HAP1: variants seen among roughly 807,000 people sequenced by gnomAD.
The protein encoded by HAP1 is huntingtin-associated protein 1.
In HAP1, 59 loss-of-function variants were observed where a neutral mutation model predicts 60.3. That is an observed-to-expected ratio of 0.98 (90% CI 0.79 to 1.22). The LOEUF (loss-of-function observed/expected upper bound fraction) is 1.22. Ranked by LOEUF, HAP1 falls within the 50% of genes most tolerant of loss-of-function variation. The pLI is 0.00. For synonymous variants in HAP1, 346 were observed against 330.6 expected, an observed-to-expected ratio of 1.05 and a Z score of -0.50; for missense variants, 825 against 785.3, an observed-to-expected ratio of 1.05 and a Z score of -0.60.
chr17:41,728,058 G>A (rs1177826970), intron 7 of HAP1, 143 bp downstream of exon 7: 14 of 984,968 alleles, frequency 1.4e-5, no homozygotes, highest in South Asian at 9.9e-5. Flanking sequence ...GATAACAAGG[G>A]GTCAAGATAA....
chr17:41,732,624 CAGAG>C, intron 2 of HAP1, 91 bp downstream of exon 2: 1 of 1,205,276 alleles, frequency 8.3e-7, no homozygotes, highest in Non-Finnish European at 1.2e-6. Flanking sequence ...CCTGGGGCCC[CAGAG>C]AGACTGCCAA....
chr17:41,729,343 A>T (rs1555589896), intron 6 of HAP1, among the ~76,000 whole-genome samples: 1 of 149,070 alleles, frequency 6.7e-6, no homozygotes, highest in African/African-American at 2.5e-5. Context: ...TGAGGTCAGG[A>T]TTTCAACACC....
chr17:41,725,917 T>C lies in HAP1; in HGVS notation c.1368-20A>G. ...TAATTCCTTCAAAGAGAAAAGGACC[T>C]TCATTATGAGACAATGGAAGCCGAA... is the stretch of plus-strand genomic sequence containing the variant. On this transcript the variant is annotated intron_variant, in intron 9 of 10. Coordinates refer to ENST00000347901, the MANE Select transcript of HAP1 (RefSeq NM_177977.3). 6.2e-7 allele frequency: 1 copy of C among 1,600,216 alleles called. No individual in the cohort carries two copies. Among genetic ancestry groups the C allele is most frequent in the South Asian group, 1.1e-5 (1 of 90,826 alleles).
At chr17:41,721,576 CTCTT>C, downstream of HAP1, 1 of 189,856 alleles carries the variant, frequency 5.3e-6, no homozygotes, top group South Asian at 1.5e-4. Flanking sequence ...ATTTTCTTTT[CTCTT>C]TTTTTGAGAC....
In HAP1 at chr17:41,724,986, C is replaced by A; in HGVS notation, c.1575G>T (p.Gly525=). 1 of 1,612,754 alleles carries A rather than the reference C, an allele frequency of 6.2e-7. No homozygotes were observed. The highest frequency in any genetic ancestry group is 1.1e-5 in the South Asian group (1 of 91,082). ...ACACCAGCTCTGCCTCTTCCATCAC[C>A]CCTTCCTCAGCCGGCACCTTCTTGG... ...GAAKKVPAEE[G]VMEEAELVSE... Residue 525 remains glycine, a synonymous_variant, in exon 11 of 11, where the codon GGG becomes GGT. Coordinates refer to ENST00000347901, the MANE Select transcript of HAP1 (RefSeq NM_177977.3).
downstream of HAP1, among the ~76,000 whole-genome samples, chr17:41,718,989 A>T (rs974424438): frequency 1.8e-4 from 28 of 152,104 alleles, no homozygotes; most frequent in African/African-American, 5.8e-4. Context: ...AATGTATTTT[A>T]TTTTTTTGAG....
chr17:41,732,254 G>T lies in HAP1; in HGVS notation c.690C>A (p.Ala230=). The T allele has an allele frequency of 6.2e-7, 1 of 1,614,100 alleles. No individual in the cohort carries two copies. Among genetic ancestry groups the T allele is most frequent in the Non-Finnish European group, 8.5e-7 (1 of 1,180,014 alleles). The part of the protein sequence containing the change: ...VLMEENSKLE[A]LLGSAKEEIL... ...CCTCCTCCTTGGCTGAGCCCAGCAG[G>T]GCTTCCAGCTTGCTGTTCTCCTCCA... Residue 230 remains alanine, a synonymous_variant, in exon 3 of 11, where the codon GCC becomes GCA. Transcript: ENST00000347901.
intron 6 of HAP1, among the ~76,000 whole-genome samples, chr17:41,729,581 G>GAAAAAAAAAAAAA (rs1555590019): frequency 5.5e-5 from 5 of 90,354 alleles, no homozygotes; most frequent in African/African-American, 4.3e-5. Context: ...AAAAAAAAAG[G>GAAAAAAAAAAAAA]AAATGCGGTC....
At chr17:41,733,536 G>A (rs1478278839) in intron 1 of HAP1, among the ~76,000 whole-genome samples, 12 of 151,560 alleles carry the variant, frequency 7.9e-5, no homozygotes, top group Admixed American at 6.6e-4. Context: ...GTGCAATGGA[G>A]TCTCCTGGGT....
chr17:41,727,915 C>G, intron 7 of HAP1, 79 bp from the exon 8 acceptor site: 1 of 879,918 alleles, frequency 1.1e-6, no homozygotes. Context: ...CAAGTCTTCC[C>G]AGGCACATCA....
chr17:41,722,053 T>A (rs1403779264), downstream of HAP1: 2 of 150,464 alleles, frequency 1.3e-5, no homozygotes, highest in East Asian at 1.9e-4. Context: ...AATTTTTGTA[T>A]TTTTAGTGGA....
Position 41,734,527 on chromosome 17 carries a change from C to T in HAP1, c.108G>A (p.Glu36=), listed in dbSNP as rs1555592222. 1 of 1,611,588 alleles carries T rather than the reference C, an allele frequency of 6.2e-7. No homozygotes were observed. ...APSPSASPAP[E]PSAQPQARGT... ...CCCGTGCCTGCGGCTGCGCAGAGGGCTCCGGAGCGGGACTGGCTGAGGGCG... is the reference window on the plus strand; with the variant it reads ...CCCGTGCCTGCGGCTGCGCAGAGGGTTCCGGAGCGGGACTGGCTGAGGGCG... The change falls in exon 1 of 11, where the codon GAG becomes GAA. Residue 36 remains glutamate, a synonymous_variant. Coordinates refer to ENST00000347901, the MANE Select transcript of HAP1 (RefSeq NM_177977.3).
rs1235257368 is a variant in HAP1 at position 41,724,376 on chromosome 17, C to T, written c.*325G>A. 1.1e-5 allele frequency: 2 copies of T among 184,382 alleles called. No homozygotes were observed. Among genetic ancestry groups the T allele is most frequent in the Non-Finnish European group, 2.3e-5 (2 of 86,734 alleles). 11.4% of individuals were successfully genotyped at this position (184,382 alleles called of 1,614,324 possible). ...CCGTGTTTGTTTTGACTGCTGCTGC[C>T]ACTGCTGCAGAGTTGGAGAGCCTGG... On this transcript the variant is annotated 3_prime_UTR_variant, in exon 11 of 11. Coordinates refer to ENST00000347901, the MANE Select transcript of HAP1 (RefSeq NM_177977.3).
At position 41,733,038 on chromosome 17, in the gene HAP1, GTT is replaced by G. The variant is rs10679002; in HGVS notation, c.470-242_470-241del. 4.7e-5 allele frequency among the ~76,000 whole-genome samples: 5 copies of G among 107,216 alleles called. 1 individual carries two copies. The highest frequency in any genetic ancestry group is 3.3e-4 in the South Asian group (1 of 3,048). 70.3% of individuals were successfully genotyped at this position (107,216 alleles called of 152,430 possible). On this transcript the variant is annotated intron_variant, in intron 1 of 10. Coordinates refer to ENST00000347901, the MANE Select transcript of HAP1 (RefSeq NM_177977.3). Reference sequence around the variant, plus strand: ...TTTTTAGGTTTTTGGGTTTTTTTTGGTTTTTTTTTTTTTTGGTTTTTTTTTTT... The same window carrying G: ...TTTTTAGGTTTTTGGGTTTTTTTTGGTTTTTTTTTTTTGGTTTTTTTTTTT...
intron 8 of HAP1, chr17:41,727,382 C>G: frequency 1.3e-6 from 1 of 780,512 alleles, no homozygotes; most frequent in Non-Finnish European, 2.4e-6. Context: ...CCTCCTGCAT[C>G]TCAATCAGCA....
chr17:41,720,949 G>A (rs1440954000), downstream of HAP1: 4 of 152,184 alleles, frequency 2.6e-5, no homozygotes, highest in East Asian at 7.7e-4. Flanking sequence ...ACAGGCATGT[G>A]TGCCACCATG....
intron 6 of HAP1, among the ~76,000 whole-genome samples, chr17:41,728,629 G>GTACA (rs1195782671): frequency 1.3e-5 from 2 of 152,170 alleles, no homozygotes; most frequent in Non-Finnish European, 2.9e-5. Context: ...TGTCAAGGGT[G>GTACA]TACAGGGCAG....
chr17:41,724,178 C>G lies in HAP1; in HGVS notation c.*523G>C, dbSNP rs1455707969. ...CCTGCAGGAGGCCCTAGCCCACCTTCTGACACCCAGGGGACTGTTCCAACT... is the reference window on the plus strand; with the variant it reads ...CCTGCAGGAGGCCCTAGCCCACCTTGTGACACCCAGGGGACTGTTCCAACT... On this transcript the variant is annotated 3_prime_UTR_variant, in exon 11 of 11. Coordinates refer to ENST00000347901, the MANE Select transcript of HAP1 (RefSeq NM_177977.3). The G allele has an allele frequency of 1.3e-5, 2 of 154,664 alleles. No individual in the cohort carries two copies. Among genetic ancestry groups the G allele is most frequent in the African/African-American group, 4.8e-5 (2 of 41,478 alleles). 9.6% of individuals were successfully genotyped at this position (154,664 alleles called of 1,614,324 possible). A position where few individuals can be genotyped will look rare whatever the true frequency, so the allele number is the denominator to read the frequency against.
At chr17:41,733,503 C>T (rs3890690) in intron 1 of HAP1, among the ~76,000 whole-genome samples, 110,491 of 150,992 alleles carry the variant, frequency 0.73, 41,641 homozygotes, top group East Asian at 0.89. Context: ...CAGACTGGCT[C>T]ATCACCCCCT....
Sources: gnomAD v4.1 joint callset for allele counts (sites outside exome capture counted in the v4.1 genomes callset) on GRCh38, gnomAD v4.1.1 for gene constraint, MANE v1.5 for transcripts, NCBI Gene and HGNC (gene_info 2026-07-23, HGNC 2026-07-21) for gene names.